The following SLFN13 variants were observed in gnomAD, a reference collection of about 807,000 sequenced individuals.
SLFN13 encodes schlafen-13.
SLFN13 carries 43 observed loss-of-function variants against 50.6 expected under a neutral mutation model. That is an observed-to-expected ratio of 0.85 (90% CI 0.67 to 1.09). The LOEUF is 1.09. SLFN13 is among the 50% of genes least tolerant of loss of function. The pLI is 0.00. For missense variants in SLFN13, 881 were observed against 1,071.1 expected (o/e 0.82, Z 2.48); for synonymous variants, 339 against 386.5 (o/e 0.88, Z 1.44).
chr17:35,447,885 GTTTT>G (rs754482382), intron 1 of SLFN13, among the ~76,000 whole-genome samples: 1 of 146,176 alleles, frequency 6.8e-6, no homozygotes, highest in African/African-American at 2.6e-5. Context: ...GTTTTGTTTT[GTTTT>G]GTTTTTGTTT....
At position 35,440,724 on chromosome 17, in the gene SLFN13, C is replaced by T. The variant is rs1054033662; in HGVS notation, c.2565G>A (p.Arg855=). The T allele has an allele frequency of 6.2e-7, 1 of 1,614,006 alleles. No homozygotes were observed. Among genetic ancestry groups the T allele is most frequent in the Admixed American group, 1.7e-5 (1 of 60,012 alleles). ...LGVHIVLDSV[R]RFSGLERSIV... ...TGCTCCTTTCCAGGCCTGAGAATCG[C>T]CGGACACTGTCCAACACAATGTGCA... The change falls in exon 6 of 6, where the codon CGG becomes CGA. Residue 855 remains arginine (R), a synonymous_variant. Coordinates refer to ENST00000285013, the MANE Select transcript of SLFN13 (RefSeq NM_144682.6).
Position 35,438,858 on chromosome 17 carries a change from T to C in SLFN13, c.*1737A>G, listed in dbSNP as rs561232310. On this transcript the variant is annotated 3_prime_UTR_variant, in exon 6 of 6. Transcript: ENST00000285013. ...GTATTTAGATTAGTGTTTTAGAATG[T>C]TTTGTAGAGACTGAAAAGCAAATAA... 6.6e-6 allele frequency: 1 copy of C among 152,262 alleles called. No individual in the cohort carries two copies. The highest frequency in any genetic ancestry group is 1.9e-4 in the East Asian group (1 of 5,192). 9.4% of individuals were successfully genotyped at this position (152,262 alleles called of 1,614,324 possible).
In SLFN13 at chr17:35,441,597, C is replaced by G; in HGVS notation, c.1888G>C (p.Val630Leu). 6.3e-7 allele frequency: 1 copy of G among 1,598,528 alleles called. No homozygotes were observed. The highest frequency in any genetic ancestry group is 8.5e-7 in the Non-Finnish European group (1 of 1,175,360). The change falls in exon 5 of 6, where the codon GTT (valine) becomes CTT (leucine). Residue 630 changes from valine (V) to leucine (L), a missense_variant. Transcript: ENST00000285013. Reference sequence around the variant, plus strand: ...TTCCTCAGAGGCTGGTTTTCACAAACGTAGAGAATTCTGTGTGCCTCACAG... The same window carrying G: ...TTCCTCAGAGGCTGGTTTTCACAAAGGTAGAGAATTCTGTGTGCCTCACAG... ...FHCEAHRILY[V>L]CENQPLRNFI... is the part of the protein sequence containing the mutation.
rs1385384209 is a variant in SLFN13, at chr17:35,442,266, A to G, written c.1219T>C (p.Cys407Arg). 2 of 1,595,116 alleles carry G rather than the reference A, an allele frequency of 1.3e-6. No homozygotes were observed. Among genetic ancestry groups the G allele is most frequent in the Admixed American group, 1.7e-5 (1 of 57,302 alleles). Residue 407 changes from cysteine to arginine, a missense_variant, in exon 5 of 6, where the codon TGT becomes CGT. By Grantham distance (180) the Cys-to-Arg change is radical. Coordinates refer to ENST00000285013, the MANE Select transcript of SLFN13 (RefSeq NM_144682.6). Reference protein sequence around the residue: ...LFPVPPGHLECTPESLWKELS... With the variant: ...LFPVPPGHLERTPESLWKELS... The stretch of plus-strand genomic sequence containing the variant: ...TCCTTCCAGAGGGACTCTGGAGTAC[A>G]TTCCAAATGTCCTGGTGGAACTAGA...
chr17:35,436,435 A>C lies in SLFN13; in HGVS notation c.*4160T>G, dbSNP rs974625358. On this transcript the variant is annotated 3_prime_UTR_variant, in exon 6 of 6. Transcript: ENST00000285013. Reference sequence around the variant, plus strand: ...TTTGAATAATTACTTTTTAATTAGAAAAAAATCTCAAATATTATGCGTTCA... The same window carrying C: ...TTTGAATAATTACTTTTTAATTAGACAAAAATCTCAAATATTATGCGTTCA... 5.9e-5 allele frequency: 9 copies of C among 152,120 alleles called. No individual in the cohort carries two copies. Among genetic ancestry groups the C allele is most frequent in the Non-Finnish European group, 1.5e-5 (1 of 68,028 alleles). 9.4% of individuals were successfully genotyped at this position (152,120 alleles called of 1,614,324 possible). A position where few individuals can be genotyped will look rare whatever the true frequency, so the allele number is the denominator to read the frequency against.
At chr17:35,447,509 G>C (rs757853921) in intron 1 of SLFN13, 95 bp from the exon 2 acceptor site, 2 of 152,294 alleles carry the variant, frequency 1.3e-5, no homozygotes, top group South Asian at 4.2e-4. Context: ...GGAATAATTA[G>C]AGATAATTCT....
chr17:35,446,488 T>C (rs1454674642), intron 2 of SLFN13, among the ~76,000 whole-genome samples: 2 of 152,204 alleles, frequency 1.3e-5, no homozygotes, highest in African/African-American at 4.8e-5. Flanking sequence ...AGTACTGTTA[T>C]ATTAGTCTAG....
In SLFN13 at chr17:35,442,151, C is replaced by T. The variant is rs765858176; in HGVS notation, c.1334G>A (p.Trp445Ter). ...SQGIVILSRS[W>*]AVDLNLQEKP... The stretch of plus-strand genomic sequence containing the variant: ...CTCCTGCAAGTTCAGGTCCACAGCC[C>T]AGCTTCTAGAGAGGATCACAATTCC... Residue 445 changes from tryptophan to a stop codon, truncating the protein, a stop_gained, in exon 5 of 6, where the codon TGG becomes TAG. Coordinates refer to ENST00000285013, the MANE Select transcript of SLFN13 (RefSeq NM_144682.6). LOFTEE classifies it high-confidence loss of function. 8 of 1,614,204 alleles carry T rather than the reference C, an allele frequency of 5.0e-6. No individual in the cohort carries two copies. Among genetic ancestry groups the T allele is most frequent in the South Asian group, 4.4e-5 (4 of 91,082 alleles).
intron 5 of SLFN13, 92 bp from the exon 6 acceptor site, chr17:35,441,458 C>A: frequency 6.3e-7 from 1 of 1,587,542 alleles, no homozygotes; most frequent in East Asian, 2.2e-5. Flanking sequence ...CAGTATATTG[C>A]CACAGATCAT....
chr17:35,445,326 T>C lies in SLFN13; in HGVS notation c.355A>G (p.Lys119Glu). ...VKSWSGDPFL[K>E]DGSFNSRICS... ...ATGCGGGAATTGAAAGAACCATCTT[T>C]AAGGAAAGGATCACCACTCCAAGAT... The change falls in exon 3 of 6, where the codon AAA becomes GAA. Residue 119 changes from lysine (K) to glutamate (E), a missense_variant. Lys to Glu is a moderately conservative substitution (Grantham distance 56). Around this residue, in one of 5 missense-constraint regions of SLFN13, gnomAD observed 497 missense variants for 518.3 expected, o/e 0.96. Coordinates refer to ENST00000285013, the MANE Select transcript of SLFN13 (RefSeq NM_144682.6). 1 of 1,613,822 alleles carries C rather than the reference T, an allele frequency of 6.2e-7. No homozygotes were observed.
At chr17:35,447,481 C>T (rs967097262) in intron 1 of SLFN13, 67 bp from the exon 2 acceptor site, 5 of 152,048 alleles carry the variant, frequency 3.3e-5, no homozygotes, top group African/African-American at 1.2e-4. Flanking sequence ...TTCTTTGAAC[C>T]CCCCCTACAC....
intron 2 of SLFN13, chr17:35,446,905 G>A (rs1273920945): frequency 6.6e-6 from 1 of 152,188 alleles, no homozygotes; most frequent in Non-Finnish European, 1.5e-5. Flanking sequence ...TGCATTCCGA[G>A]ACCACTGAAA....
rs749066502 is a variant in SLFN13 at position 35,441,171 on chromosome 17, C to G, written c.2118G>C (p.Gln706His). 1.9e-6 allele frequency: 3 copies of G among 1,614,024 alleles called. No homozygotes were observed. In the East Asian group the frequency reaches 6.7e-5, roughly 36 times the overall value. ...GGCCACTGTGACCCAAGTGACTGGTCTGAAAGTAGTCCAGAAAGATCCAGA... is the reference window on the plus strand; with the variant it reads ...GGCCACTGTGACCCAAGTGACTGGTGTGAAAGTAGTCCAGAAAGATCCAGA... ...GVLWIFLDYFQTSHLGHSGLP... is the reference protein window; with the variant it reads ...GVLWIFLDYFHTSHLGHSGLP... The change falls in exon 6 of 6, where the codon CAG becomes CAC. Residue 706 changes from glutamine (Q) to histidine (H), a missense_variant. Around this residue, in one of 5 missense-constraint regions of SLFN13, gnomAD observed 322 missense variants for 327.4 expected, o/e 0.98. Coordinates refer to ENST00000285013, the MANE Select transcript of SLFN13 (RefSeq NM_144682.6).
At chr17:35,443,323 T>C (rs890344128) in intron 4 of SLFN13, among the ~76,000 whole-genome samples, 4 of 152,224 alleles carry the variant, frequency 2.6e-5, no homozygotes, top group African/African-American at 9.6e-5. Context: ...GGTTTTTCTA[T>C]ATTCTTATAT....
At chr17:35,449,044 TACAACAACA>T (rs10610343), upstream of SLFN13, among the ~76,000 whole-genome samples, 25 of 148,288 alleles carry the variant, frequency 1.7e-4, no homozygotes, top group East Asian at 6.3e-4. Flanking sequence ...CCCCCGTCTG[TACAACAACA>T]ACAACAACAA....
chr17:35,448,555 A>G (rs2142101671), intron 1 of SLFN13, among the ~76,000 whole-genome samples, 167 bp downstream of exon 1: 1 of 152,256 alleles, frequency 6.6e-6, no homozygotes, highest in Admixed American at 6.5e-5. Context: ...GAAGCACGCA[A>G]ATACCCCGAC....
Position 35,441,148 on chromosome 17 carries a change from C to T in SLFN13, c.2141G>A (p.Gly714Asp). ...ATACTGTGCTGAGAGAGGGGGAAGG[C>T]CACTGTGACCCAAGTGACTGGTCTG... ...YFQTSHLGHS[G>D]LPPLSAQYPR... Residue 714 changes from glycine (G) to aspartate (D), a missense_variant, in exon 6 of 6, where the codon GGC (glycine) becomes GAC (aspartate). Gly to Asp is a moderately conservative substitution (Grantham distance 94, BLOSUM62 -1). This residue lies in a region of SLFN13 where 322 missense variants were observed against 327.4 expected (regional missense o/e 0.98). Transcript: ENST00000285013. 6.2e-7 allele frequency: 1 copy of T among 1,614,010 alleles called. No individual in the cohort carries two copies. The highest frequency in any genetic ancestry group is 8.5e-7 in the Non-Finnish European group (1 of 1,179,978).
At position 35,441,874 on chromosome 17, in the gene SLFN13, C is replaced by T. The variant is rs143152739; in HGVS notation, c.1611G>A (p.Ala537=). The change falls in exon 5 of 6, where the codon GCG becomes GCA. Residue 537 remains alanine (A), a synonymous_variant. Coordinates refer to ENST00000285013, the MANE Select transcript of SLFN13 (RefSeq NM_144682.6). The part of the protein sequence containing the change: ...EAAVSPMDYP[A]SYSLAGTQHM... ...GCTGGGTGCCTGCAAGGCTATAGGA[C>T]GCAGGGTAATCCATCGGAGACACTG... 5.1e-4 allele frequency: 816 copies of T among 1,585,460 alleles called. No homozygotes were observed. In the African/African-American group the frequency reaches 9.9e-3, roughly 19 times the overall value.
Position 35,445,509 on chromosome 17 carries a change from C to G in SLFN13, c.172G>C (p.Gly58Arg), listed in dbSNP as rs779356070. ...RAACALLNSG[G>R]GVIQMEMANR... ...GCCATTTCCATCTGAATCACTCCTC[C>G]TCCTGAGTTTAATAAAGCACACGCG... is the stretch of plus-strand genomic sequence containing the variant. The change falls in exon 3 of 6, where the codon GGA becomes CGA. Residue 58 changes from glycine to arginine, a missense_variant. By Grantham distance (125) the Gly-to-Arg change is moderately radical. Around this residue, in one of 5 missense-constraint regions of SLFN13, gnomAD observed 497 missense variants for 518.3 expected, o/e 0.96. Coordinates refer to ENST00000285013, the MANE Select transcript of SLFN13 (RefSeq NM_144682.6). 1 of 1,614,060 alleles carries G rather than the reference C, an allele frequency of 6.2e-7. No individual in the cohort carries two copies. Among genetic ancestry groups the G allele is most frequent in the African/African-American group, 1.3e-5 (1 of 74,908 alleles).
Sources: gnomAD v4.1 joint callset for allele counts (sites outside exome capture counted in the v4.1 genomes callset) on GRCh38, gnomAD v4.1.1 for gene constraint, gnomAD v4.1.1 regional missense constraint, MANE v1.5 for transcripts, NCBI Gene and HGNC (gene_info 2026-07-23, HGNC 2026-07-21) for gene names.